Variants in AP2A1 observed in about 807,000 individuals in gnomAD.
AP2A1 encodes the protein adaptor related protein complex 2 subunit alpha 1.
A neutral mutation model predicts 107.3 loss-of-function variants in AP2A1; 21 were observed. That is an observed-to-expected ratio of 0.20 (90% confidence interval 0.14 to 0.28). The LOEUF (loss-of-function observed/expected upper bound fraction) is 0.28. Among genes scored for constraint, AP2A1 ranks in the 10% least tolerant of loss-of-function variants. The pLI is 1.00. For synonymous variants in AP2A1, 602 were observed against 564.8 expected, an observed-to-expected ratio of 1.07 and a Z score of -0.93; for missense variants, 873 against 1,307.7, an observed-to-expected ratio of 0.67 and a Z score of 5.13.
chr19:49,797,821 C>G (rs575316957), intron 7 of AP2A1, among the ~76,000 whole-genome samples: 32 of 152,066 alleles, frequency 2.1e-4, no homozygotes, highest in African/African-American at 7.7e-4. Flanking sequence ...GTGGCTAACA[C>G]TGTCATCCCA....
Position 49,798,968 on chromosome 19 carries a change from TA to T in AP2A1, c.965+17del. 6.4e-7 allele frequency: 1 copy of T among 1,551,772 alleles called. No homozygotes were observed. Reference sequence around the variant, plus strand: ...ACTATGACAGGTGCCCGCCTGGGCCTATCAGGGCCTGATGCCTGGGGCCAGG... The same window carrying T: ...ACTATGACAGGTGCCCGCCTGGGCCTTCAGGGCCTGATGCCTGGGGCCAGG... On this transcript the variant is annotated intron_variant, in intron 8 of 22. Coordinates refer to ENST00000354293, the MANE Select transcript of AP2A1 (RefSeq NM_130787.3).
intron 1 of AP2A1, among the ~76,000 whole-genome samples, chr19:49,780,306 G>T (rs1208336537): frequency 6.6e-6 from 1 of 152,226 alleles, no homozygotes; most frequent in Non-Finnish European, 1.5e-5. Context: ...ATAAAGAATT[G>T]ACTTTAAGGA....
At chr19:49,774,923 A>G (rs532740955) in intron 1 of AP2A1, among the ~76,000 whole-genome samples, 10 of 150,606 alleles carry the variant, frequency 6.6e-5, no homozygotes, top group Non-Finnish European at 1.5e-4. Context: ...TGTCTCAAAA[A>G]AAAAAAAAAA....
chr19:49,781,956 C>T lies in AP2A1; in HGVS notation c.146C>T (p.Ala49Val), dbSNP rs2084681445. 1 of 1,612,662 alleles carries T rather than the reference C, an allele frequency of 6.2e-7. No individual in the cohort carries two copies. The highest frequency in any genetic ancestry group is 1.3e-5 in the African/African-American group (1 of 74,692). Reference protein sequence around the residue: ...NIRSKFKGDKALDGYSKKKYV... With the variant: ...NIRSKFKGDKVLDGYSKKKYV... ...CCTTCCTCTGCCCTAGGAGACAAAG[C>T]CTTGGATGGCTACAGTAAGAAAAAA... is the stretch of plus-strand genomic sequence containing the variant. The change falls in exon 3 of 23, where the codon GCC becomes GTC. Residue 49 changes from alanine to valine, a missense_variant. Transcript: ENST00000354293.
intron 4 of AP2A1, among the ~76,000 whole-genome samples, chr19:49,790,665 G>T (rs917494243): frequency 4.6e-5 from 7 of 152,190 alleles, no homozygotes; most frequent in African/African-American, 1.4e-4. Context: ...CTCCTAAAGT[G>T]CTGGGATTAC....
intron 15 of AP2A1, 131 bp downstream of exon 15, chr19:49,802,272 G>C: frequency 1.2e-6 from 1 of 854,800 alleles, no homozygotes; most frequent in Non-Finnish European, 1.9e-6. Flanking sequence ...TGATGCCTTC[G>C]CCAGCCCTGG....
In AP2A1 at chr19:49,802,260, C is replaced by T. The variant is rs1158154420; in HGVS notation, c.2114+119C>T. 4.5e-6 allele frequency: 4 copies of T among 894,678 alleles called. No individual in the cohort carries two copies. The South Asian group carries it at 5.7e-5, about 13-fold the overall frequency. 55.4% of individuals were successfully genotyped at this position (894,678 alleles called of 1,614,324 possible). On this transcript the variant is annotated intron_variant, in intron 15 of 22. Coordinates refer to ENST00000354293, the MANE Select transcript of AP2A1 (RefSeq NM_130787.3). ...GCCCCCGACTCGCTCCTCTCTCCAT[C>T]CTGATGCCTTCGCCAGCCCTGGCTG...
chr19:49,771,350 A>G (rs1448768954), intron 1 of AP2A1, among the ~76,000 whole-genome samples: 1 of 150,756 alleles, frequency 6.6e-6, no homozygotes, highest in Non-Finnish European at 1.5e-5. Context: ...ATTCGATAGT[A>G]GTAATGGTTG....
chr19:49,791,945 G>T lies in AP2A1; in HGVS notation c.484G>T (p.Asp162Tyr), dbSNP rs2073147942. 6.2e-7 allele frequency: 1 copy of T among 1,609,408 alleles called. No homozygotes were observed. The highest frequency in any genetic ancestry group is 2.2e-5 in the East Asian group (1 of 44,764). ...PRILVAGDSM[D>Y]SVKQSAALCL... is the part of the protein sequence containing the mutation. ...ATGGTGTCCCCACAGGGACAGCATG[G>T]ACAGTGTCAAGCAGAGTGCGGCCCT... Residue 162 changes from aspartate (D) to tyrosine (Y), a missense_variant, in exon 5 of 23, where the codon GAC becomes TAC. Physicochemically the swap from Asp to Tyr is radical, Grantham distance 160. This residue lies in a region of AP2A1 where 157 missense variants were observed against 212.6 expected (regional missense o/e 0.74). Transcript: ENST00000354293.
chr19:49,768,304 G>A (rs1467741308), intron 1 of AP2A1, among the ~76,000 whole-genome samples: 2 of 152,132 alleles, frequency 1.3e-5, no homozygotes, highest in African/African-American at 4.8e-5. Context: ...GCTGCCAGGA[G>A]TCTTCAGAGG....
intron 1 of AP2A1, among the ~76,000 whole-genome samples, chr19:49,773,530 A>G (rs1390723620): frequency 6.6e-6 from 1 of 152,180 alleles, no homozygotes; most frequent in East Asian, 1.9e-4. Flanking sequence ...GTCTTTCTTG[A>G]GTTCCAGCTG....
intron 6 of AP2A1, among the ~76,000 whole-genome samples, chr19:49,793,373 C>T (rs2073170616): frequency 6.6e-6 from 1 of 152,186 alleles, no homozygotes; most frequent in Admixed American, 6.5e-5. Flanking sequence ...CAGAACAGGG[C>T]CTCGCGGGCC....
chr19:49,795,604 ACTT>A, intron 6 of AP2A1, 23 bp from the exon 7 acceptor site: 15 of 680,232 alleles, frequency 2.2e-5, no homozygotes, highest in Non-Finnish European at 2.9e-5. Flanking sequence ...CCAGCCCCCA[ACTT>A]ATTTCTTGCT....
intron 4 of AP2A1, among the ~76,000 whole-genome samples, chr19:49,784,247 C>T (rs1292079772): frequency 1.3e-5 from 2 of 151,970 alleles, no homozygotes; most frequent in African/African-American, 4.8e-5. Flanking sequence ...GCCAACATGG[C>T]GAAACCATAT....
Position 49,799,615 on chromosome 19 carries a change from C to T in AP2A1, c.1135-14C>T, listed in dbSNP as rs2073252386. 1.2e-6 allele frequency: 2 copies of T among 1,606,946 alleles called. No individual in the cohort carries two copies. The highest frequency in any genetic ancestry group is 2.2e-5 in the East Asian group (1 of 44,874). The stretch of plus-strand genomic sequence containing the variant: ...GAGTCTAAAACACACCTGGGCTCTG[C>T]TCTCCGCCCTCAGACGGAGCGGGAC... On this transcript the variant is annotated splice_polypyrimidine_tract_variant and intron_variant, in intron 9 of 22. Transcript: ENST00000354293.
At position 49,788,858 on chromosome 19, in the gene AP2A1, G is replaced by A. The variant is rs1028448388; in HGVS notation, c.474-3077G>A. On this transcript the variant is annotated intron_variant, in intron 4 of 22. Transcript: ENST00000354293. This position sits in a 1 kb window ranked among gnomAD's most constrained non-coding sequence, Gnocchi z 4.5. ...GTTCTAACTTGATGACCACTGGGCA[G>A]TGAACGTTTCTGTAGGGTGAGCGTC... Among the ~76,000 whole-genome samples the A allele has an allele frequency of 6.6e-6, 1 of 152,204 alleles. No individual in the cohort carries two copies. Among genetic ancestry groups the A allele is most frequent in the Admixed American group, 6.5e-5 (1 of 15,276 alleles).
At chr19:49,786,411 G>T (rs1159605606) in intron 4 of AP2A1, among the ~76,000 whole-genome samples, 1 of 152,216 alleles carries the variant, frequency 6.6e-6, no homozygotes, top group Non-Finnish European at 1.5e-5. Context: ...GGCGTTGCGG[G>T]TGTCTCTCAG....
chr19:49,806,662 C>G lies in AP2A1; in HGVS notation c.2791-19C>G, dbSNP rs760131188. Reference sequence around the variant, plus strand: ...GCTCCCCATCTCCTCTGAGTTCTGCCCCCAATGCCCCCACCCAGATGTACC... The same window carrying G: ...GCTCCCCATCTCCTCTGAGTTCTGCGCCCAATGCCCCCACCCAGATGTACC... On this transcript the variant is annotated intron_variant, in intron 22 of 22. Coordinates refer to ENST00000354293, the MANE Select transcript of AP2A1 (RefSeq NM_130787.3). 6.2e-7 allele frequency: 1 copy of G among 1,612,118 alleles called. No individual in the cohort carries two copies. The highest frequency in any genetic ancestry group is 8.5e-7 in the Non-Finnish European group (1 of 1,179,682).
chr19:49,791,496 G>A (rs188281011), intron 4 of AP2A1, among the ~76,000 whole-genome samples: 15 of 152,280 alleles, frequency 9.9e-5, no homozygotes, highest in Non-Finnish European at 1.9e-4. Flanking sequence ...CAAAGTGCTG[G>A]GATTATAGGC....
Sources: gnomAD v4.1 joint callset for allele counts (sites outside exome capture counted in the v4.1 genomes callset) on GRCh38, gnomAD v4.1.1 for gene constraint, gnomAD v4.1.1 regional missense constraint, Gnocchi (gnomAD v3.1) non-coding constraint, MANE v1.5 for transcripts, NCBI Gene and HGNC (gene_info 2026-07-23, HGNC 2026-07-21) for gene names.